Variants in SCN11A observed in about 807,000 individuals in gnomAD.
SCN11A encodes the protein sodium channel protein type 11 subunit alpha.
A neutral mutation model predicts 162.2 loss-of-function variants in SCN11A; 122 were observed. The observed-to-expected ratio is 0.75, with a 90% CI of 0.65 to 0.87. The LOEUF (loss-of-function observed/expected upper bound fraction) is 0.87, where lower values mean the gene tolerates loss of function less well. Among genes scored for constraint, SCN11A ranks in the 40% least tolerant of loss-of-function variants. The probability of loss-of-function intolerance (pLI) is 0.00; values close to 1 mark genes in which losing one functional copy is unlikely to be tolerated. For missense variants in SCN11A, 2,015 were observed against 2,181.6 expected (o/e 0.92, Z 1.52); for synonymous variants, 758 against 751.5 (o/e 1.01, Z -0.14).
At chr3:38,896,414 C>T (rs2065598268) in intron 18 of SCN11A, among the ~76,000 whole-genome samples, 1 of 152,134 alleles carries the variant, frequency 6.6e-6, no homozygotes, top group South Asian at 2.1e-4. Context: ...TCTGGCTTTT[C>T]CAGGGGTCAC....
intron 23 of SCN11A, among the ~76,000 whole-genome samples, chr3:38,876,662 C>A (rs1042580461): frequency 6.6e-6 from 1 of 152,002 alleles, no homozygotes; most frequent in South Asian, 2.1e-4. Context: ...CAATGTGATA[C>A]CACCTTACTC....
chr3:38,948,781 G>A (rs779905616), intron 5 of SCN11A, among the ~76,000 whole-genome samples: 5 of 147,516 alleles, frequency 3.4e-5, no homozygotes, highest in South Asian at 2.1e-4. Context: ...CTGTTCTCCC[G>A]GACTGTCAGC....
intron 2 of SCN11A, among the ~76,000 whole-genome samples, chr3:38,993,908 A>C (rs1333310313): frequency 6.6e-6 from 1 of 152,218 alleles, no homozygotes; most frequent in Non-Finnish European, 1.5e-5. Context: ...ATTACATGGG[A>C]AGCAGCCTTG....
At position 38,847,190 on chromosome 3, in the gene SCN11A, T is replaced by C. The variant is rs2064685366; in HGVS notation, c.4880A>G (p.Tyr1627Cys). 6.2e-7 allele frequency: 1 copy of C among 1,614,166 alleles called. No individual in the cohort carries two copies. The highest frequency in any genetic ancestry group is 1.1e-5 in the South Asian group (1 of 91,074). The part of the protein sequence containing the change: ...PLGEDDFDIF[Y>C]EVWEKFDPEA... ...TGGGTCAAACTTTTCCCACACTTCA[T>C]AAAATATGTCAAAGTCATCTTCACC... Residue 1627 changes from tyrosine to cysteine, a missense_variant, in exon 30 of 30, where the codon TAT becomes TGT. Physicochemically the swap from Tyr to Cys is radical, Grantham distance 194. Transcript: ENST00000302328.
At chr3:38,911,891 G>C (rs1022155368) in intron 11 of SCN11A, among the ~76,000 whole-genome samples, 1 of 152,094 alleles carries the variant, frequency 6.6e-6, no homozygotes, top group Non-Finnish European at 1.5e-5. Flanking sequence ...TGGTTCTCTT[G>C]TTTTGTTCAT....
intron 7 of SCN11A, among the ~76,000 whole-genome samples, chr3:38,935,163 A>G (rs2066309777): frequency 6.6e-6 from 1 of 152,206 alleles, no homozygotes; most frequent in African/African-American, 2.4e-5. Flanking sequence ...AGAAATAAAG[A>G]TGTTCTTTGA....
chr3:38,972,585 TACAC>T (rs1294911048), intron 2 of SCN11A, among the ~76,000 whole-genome samples: 1 of 151,752 alleles, frequency 6.6e-6, no homozygotes, highest in South Asian at 2.1e-4. Context: ...TATATATGTA[TACAC>T]ACACACACAT....
At chr3:39,019,053 A>T (rs911634151) in intron 2 of SCN11A, among the ~76,000 whole-genome samples, 1 of 152,152 alleles carries the variant, frequency 6.6e-6, no homozygotes, top group African/African-American at 2.4e-5. Context: ...TTGTAAAGCT[A>T]ATGAGAGACC....
chr3:38,911,353 T>C (rs1186857402), intron 11 of SCN11A, among the ~76,000 whole-genome samples: 1 of 152,222 alleles, frequency 6.6e-6, no homozygotes, highest in Non-Finnish European at 1.5e-5. Context: ...ACTGCTCAGT[T>C]ATTATCCTGT....
intron 14 of SCN11A, among the ~76,000 whole-genome samples, chr3:38,907,353 T>TACACAC (rs1314295859): frequency 3.3e-5 from 2 of 60,648 alleles, no homozygotes; most frequent in African/African-American, 4.7e-5. Flanking sequence ...TATATATCTA[T>TACACAC]ATATACACAC....
chr3:39,017,329 G>A (rs2031318046), intron 2 of SCN11A, among the ~76,000 whole-genome samples: 1 of 150,642 alleles, frequency 6.6e-6, no homozygotes, highest in Non-Finnish European at 1.5e-5. Context: ...CCTAGTCTAT[G>A]GTAATTTGTT....
At chr3:39,051,004 C>T (rs1185879830) in intron 1 of SCN11A, among the ~76,000 whole-genome samples, 1 of 152,098 alleles carries the variant, frequency 6.6e-6, no homozygotes, top group Admixed American at 6.5e-5. Flanking sequence ...TCAGGAAAAC[C>T]ACCTTAAGTC....
chr3:39,031,494 C>A (rs2031747501), intron 2 of SCN11A, among the ~76,000 whole-genome samples: 1 of 151,090 alleles, frequency 6.6e-6, no homozygotes, highest in South Asian at 2.1e-4. Flanking sequence ...CCAGTGCACT[C>A]CAGCCTGGGT....
At chr3:38,916,041 T>G (rs966779116) in intron 11 of SCN11A, among the ~76,000 whole-genome samples, 1 of 152,220 alleles carries the variant, frequency 6.6e-6, no homozygotes, top group African/African-American at 2.4e-5. Context: ...AATTGAACAT[T>G]TTACCATTAT....
chr3:38,987,301 TCTCACACACACACA>T (rs1338684632), intron 2 of SCN11A, among the ~76,000 whole-genome samples: 10 of 113,600 alleles, frequency 8.8e-5, no homozygotes, highest in African/African-American at 2.8e-4. Context: ...TCTCTCTCTC[TCTCACACACACACA>T]CACACACACA....
At chr3:38,849,126 C>T (rs1029092667) in intron 29 of SCN11A, among the ~76,000 whole-genome samples, 3 of 152,132 alleles carry the variant, frequency 2.0e-5, no homozygotes, top group African/African-American at 7.2e-5. Flanking sequence ...AACATTTCCG[C>T]AAAGTGCATG....
chr3:38,858,062 C>T (rs190340033), intron 28 of SCN11A, among the ~76,000 whole-genome samples: 1 of 152,060 alleles, frequency 6.6e-6, no homozygotes, highest in East Asian at 1.9e-4. Context: ...ACAAACAAAA[C>T]CTCCTTAAAG....
intron 2 of SCN11A, among the ~76,000 whole-genome samples, chr3:38,987,645 C>G (rs896560544): frequency 6.6e-6 from 1 of 152,202 alleles, no homozygotes; most frequent in Admixed American, 6.5e-5. Context: ...CGACCTCACA[C>G]TCGTTCTGGA....
Position 38,877,794 on chromosome 3 carries a change from T to C in SCN11A, c.3393+2156A>G, listed in dbSNP as rs114986685. ...ATATGGTGTATATACCATATATATA[T>C]AGTCTTTGGTATATACTATATACAT... On this transcript the variant is annotated intron_variant, in intron 23 of 29. Transcript: ENST00000302328. Among the ~76,000 whole-genome samples, 1,154 of 145,520 alleles carry C rather than the reference T, an allele frequency of 7.9e-3. 47 individuals are homozygous for C. Among genetic ancestry groups the C allele is most frequent in the African/African-American group, 0.029 (1,100 of 37,536 alleles).
Sources: gnomAD v4.1 joint callset for allele counts (sites outside exome capture counted in the v4.1 genomes callset) on GRCh38, gnomAD v4.1.1 for gene constraint, MANE v1.5 for transcripts, NCBI Gene and HGNC (gene_info 2026-07-23, HGNC 2026-07-21) for gene names.